The following ATP13A4 variants were observed in gnomAD, a reference collection of about 807,000 sequenced individuals.
ATP13A4 encodes probable cation-transporting ATPase 13A4.
Under a neutral mutation model 142.5 loss-of-function variants are expected in ATP13A4, and 114 were observed. That is an observed-to-expected ratio of 0.80 (90% CI 0.69 to 0.93). The LOEUF (loss-of-function observed/expected upper bound fraction) is 0.93, where lower values mean the gene tolerates loss of function less well. Ranked by LOEUF, ATP13A4 falls within the 40% of genes least tolerant of loss-of-function variation. The probability of loss-of-function intolerance (pLI) is 0.00; values close to 1 mark genes in which losing one functional copy is unlikely to be tolerated. For synonymous variants in ATP13A4, 488 were observed against 514.8 expected (o/e 0.95, Z 0.70); for missense variants, 1,392 against 1,454.0 (o/e 0.96, Z 0.69).
intron 18 of ATP13A4, among the ~76,000 whole-genome samples, chr3:193,443,054 A>C (rs545779866): frequency 6.6e-6 from 1 of 152,310 alleles, no homozygotes; most frequent in Non-Finnish European, 1.5e-5. Context: ...AGCAACCTAC[A>C]AGGGGATGAG....
chr3:193,504,669 G>T (rs573888311), intron 2 of ATP13A4, among the ~76,000 whole-genome samples: 57 of 152,126 alleles, frequency 3.7e-4, no homozygotes, highest in South Asian at 2.1e-3. Context: ...AATTTGATTG[G>T]ACTGCCATTT....
intron 2 of ATP13A4, among the ~76,000 whole-genome samples, chr3:193,573,876 G>A (rs559449478): frequency 2.6e-5 from 4 of 152,038 alleles, no homozygotes. Flanking sequence ...TTCAAAAATC[G>A]ATTTAGAAAA....
At chr3:193,494,419 AT>A (rs1235122184) in intron 3 of ATP13A4, among the ~76,000 whole-genome samples, 1 of 152,118 alleles carries the variant, frequency 6.6e-6, no homozygotes, top group South Asian at 2.1e-4. Flanking sequence ...CATATCAAGT[AT>A]TTTTTTCTGA....
chr3:193,420,200 C>T (rs551823163), intron 25 of ATP13A4, among the ~76,000 whole-genome samples: 5 of 149,740 alleles, frequency 3.3e-5, no homozygotes, highest in South Asian at 2.1e-4. Context: ...GACCTGACAC[C>T]GAGAGGGTCC....
chr3:193,536,299 AG>A (rs575219888), intron 1 of ATP13A4, among the ~76,000 whole-genome samples: 37 of 152,220 alleles, frequency 2.4e-4, no homozygotes, highest in Admixed American at 3.9e-4. Context: ...ATTATTAAGT[AG>A]GGTTTAATTC....
chr3:193,587,078 GT>G (rs1255332635), intron 1 of ATP13A4, among the ~76,000 whole-genome samples: 5 of 152,200 alleles, frequency 3.3e-5, no homozygotes, highest in African/African-American at 9.6e-5. Flanking sequence ...TTATATTATG[GT>G]TTTTTAATGC....
intron 7 of ATP13A4, among the ~76,000 whole-genome samples, chr3:193,488,067 C>T (rs1719735663): frequency 6.6e-6 from 1 of 152,078 alleles, no homozygotes; most frequent in South Asian, 2.1e-4. Context: ...AGATCAACAC[C>T]ATCCAGACCA....
intron 1 of ATP13A4, among the ~76,000 whole-genome samples, chr3:193,520,260 C>T (rs907683337): frequency 1.3e-5 from 2 of 152,064 alleles, no homozygotes; most frequent in African/African-American, 2.4e-5. Context: ...TTGTTCCTAG[C>T]CCAACAAATT....
At chr3:193,474,869 A>T (rs1211958605) in intron 8 of ATP13A4, among the ~76,000 whole-genome samples, 1 of 152,058 alleles carries the variant, frequency 6.6e-6, no homozygotes, top group Non-Finnish European at 1.5e-5. Flanking sequence ...CTAGAAAAAA[A>T]GTTATTTAAA....
chr3:193,588,522 C>G (rs1021603754), intron 1 of ATP13A4, among the ~76,000 whole-genome samples: 9 of 152,214 alleles, frequency 5.9e-5, no homozygotes, highest in African/African-American at 1.7e-4. Flanking sequence ...AGTATCCTTT[C>G]AAAGAATCTC....
chr3:193,419,338 C>A (rs1486799210), intron 25 of ATP13A4, among the ~76,000 whole-genome samples: 1 of 150,306 alleles, frequency 6.7e-6, no homozygotes, highest in Non-Finnish European at 1.5e-5. Flanking sequence ...TGTGCACTGC[C>A]TCCTGAAGAA....
chr3:193,583,366 G>C (rs970417866), intron 1 of ATP13A4, among the ~76,000 whole-genome samples: 3 of 152,216 alleles, frequency 2.0e-5, no homozygotes, highest in African/African-American at 7.2e-5. Context: ...CCAGGAGGCG[G>C]AGGTTGCAGT....
At chr3:193,427,399 G>T (rs1715723793) in intron 25 of ATP13A4, among the ~76,000 whole-genome samples, 1 of 152,112 alleles carries the variant, frequency 6.6e-6, no homozygotes, top group Non-Finnish European at 1.5e-5. Flanking sequence ...TAGATTCAAT[G>T]CCATCCACAT....
intron 8 of ATP13A4, among the ~76,000 whole-genome samples, chr3:193,475,800 T>C (rs1030267604): frequency 1.3e-5 from 2 of 152,048 alleles, no homozygotes; most frequent in African/African-American, 2.4e-5. Flanking sequence ...ATGTATAATT[T>C]GACTGTACAT....
chr3:193,555,120 C>A, upstream of ATP13A4: 1 of 425,840 alleles, frequency 2.3e-6, no homozygotes, highest in Non-Finnish European at 4.3e-6. Flanking sequence ...GAACTCATTG[C>A]CTGCCCAGTG....
intron 2 of ATP13A4, among the ~76,000 whole-genome samples, chr3:193,565,876 G>A (rs879474120): frequency 1.2e-4 from 18 of 152,336 alleles, no homozygotes; most frequent in Non-Finnish European, 2.5e-4. Context: ...CCACTGCTCT[G>A]AGCCTCAGTT....
chr3:193,437,410 T>A (rs1474927744), intron 23 of ATP13A4, among the ~76,000 whole-genome samples: 1 of 152,174 alleles, frequency 6.6e-6, no homozygotes, highest in Non-Finnish European at 1.5e-5. Context: ...CACTAAAGAT[T>A]TGTCAAATGC....
intron 12 of ATP13A4, among the ~76,000 whole-genome samples, chr3:193,464,737 A>G (rs1718162049): frequency 6.6e-6 from 1 of 152,156 alleles, no homozygotes; most frequent in Non-Finnish European, 1.5e-5. Flanking sequence ...AGATTCTCCT[A>G]TTTAGTACCC....
At chr3:193,481,195 T>A (rs1393559574) in intron 8 of ATP13A4, among the ~76,000 whole-genome samples, 1 of 152,174 alleles carries the variant, frequency 6.6e-6, no homozygotes, top group Non-Finnish European at 1.5e-5. Context: ...AGGTGATGGC[T>A]GCACCAAAAT....
Sources: allele counts gnomAD v4.1 joint callset (sites outside exome capture counted in the v4.1 genomes callset), GRCh38; gene constraint gnomAD v4.1.1; transcripts MANE v1.5; gene names NCBI Gene and HGNC (gene_info 2026-07-23, HGNC 2026-07-21).